The following CLDN18 variants were observed in gnomAD, a reference collection of about 807,000 sequenced individuals.
CLDN18 encodes the protein claudin-18.
In CLDN18, 20 loss-of-function variants were observed where a neutral mutation model predicts 25.0. The observed-to-expected ratio is 0.80, with a 90% CI of 0.56 to 1.16. The LOEUF (loss-of-function observed/expected upper bound fraction) is 1.16, where lower values mean the gene tolerates loss of function less well. Ranked by LOEUF, CLDN18 falls within the 50% of genes most tolerant of loss-of-function variation. The pLI, the probability that CLDN18 is intolerant of heterozygous loss-of-function variation, is 0.00. For missense variants in CLDN18, 297 were observed against 345.4 expected, an observed-to-expected ratio of 0.86 and a Z score of 1.11; for synonymous variants, 125 against 135.6, an observed-to-expected ratio of 0.92 and a Z score of 0.54.
At chr3:138,010,980 C>A (rs1245526634) in intron 1 of CLDN18, among the ~76,000 whole-genome samples, 4 of 151,706 alleles carry the variant, frequency 2.6e-5, no homozygotes, top group African/African-American at 9.7e-5. Context: ...TTAAGAATAT[C>A]TTGTATACTG....
chr3:138,006,671 T>C (rs1390753434), upstream of CLDN18, among the ~76,000 whole-genome samples: 1 of 152,188 alleles, frequency 6.6e-6, no homozygotes, highest in Non-Finnish European at 1.5e-5. Context: ...ACGGCTAAAA[T>C]AGTAGTCTGC....
chr3:138,013,256 G>T (rs1007459086), intron 1 of CLDN18, among the ~76,000 whole-genome samples: 2 of 152,094 alleles, frequency 1.3e-5, no homozygotes, highest in African/African-American at 2.4e-5. Flanking sequence ...CTCCTGCCTG[G>T]AACAGATTCA....
At chr3:138,008,545 G>A (rs1371661433), upstream of CLDN18, among the ~76,000 whole-genome samples, 2 of 152,110 alleles carry the variant, frequency 1.3e-5, no homozygotes, top group African/African-American at 4.8e-5. Flanking sequence ...GGAGGTTGCA[G>A]TGAGCCAAGA....
At chr3:138,030,555 G>A (rs1246932530) in intron 4 of CLDN18, among the ~76,000 whole-genome samples, 1 of 152,166 alleles carries the variant, frequency 6.6e-6, no homozygotes, top group African/African-American at 2.4e-5. Context: ...GTACCCTCCA[G>A]CTCACAAATT....
rs371332207 is a variant in CLDN18 at position 138,018,582 on chromosome 3, C to T, written c.221-5076C>T. ...CGATCTCCTGACCTCGTGATCCGCCCGCCTCGGCCTCCCAAAGTGCTGGGA... is the reference window on the plus strand; with the variant it reads ...CGATCTCCTGACCTCGTGATCCGCCTGCCTCGGCCTCCCAAAGTGCTGGGA... On this transcript the variant is annotated intron_variant, in intron 1 of 4. Coordinates refer to ENST00000183605, the MANE Select transcript of CLDN18 (RefSeq NM_016369.4). Among the ~76,000 whole-genome samples, 39 of 152,100 alleles carry T rather than the reference C, an allele frequency of 2.6e-4. No individual in the cohort carries two copies. The South Asian group carries it at 7.5e-3, about 29-fold the overall frequency.
upstream of CLDN18, among the ~76,000 whole-genome samples, chr3:138,008,612 A>T (rs183478939): frequency 3.0e-3 from 459 of 151,036 alleles, 4 homozygotes; most frequent in African/African-American, 0.011. Context: ...CAAAATAAAT[A>T]AATAAATAAA....
chr3:138,031,333 CTGAGT>C lies in CLDN18; in HGVS notation c.*194_*198del, dbSNP rs1223002376. On this transcript the variant is annotated 3_prime_UTR_variant, in exon 5 of 5. Transcript: ENST00000183605. The stretch of plus-strand genomic sequence containing the variant: ...CTCTAAATATTCCACCATAAAACAG[CTGAGT>C]TATTTATGAATTAGAGGCTATAGCT... The C allele has an allele frequency of 4.6e-6, 2 of 432,884 alleles. No individual in the cohort carries two copies. The highest frequency in any genetic ancestry group is 3.4e-5 in the East Asian group (1 of 29,372). The allele number at this position is 432,884 out of a possible 1,614,324, so 26.8% of individuals were successfully genotyped here. A position where few individuals can be genotyped will look rare whatever the true frequency, so the allele number is the denominator to read the frequency against.
intron 1 of CLDN18, among the ~76,000 whole-genome samples, chr3:138,021,979 A>C (rs976487017): frequency 2.6e-5 from 4 of 152,180 alleles, no homozygotes; most frequent in African/African-American, 9.7e-5. Flanking sequence ...TAATAATAAC[A>C]ATGGTGCTGG....
At chr3:138,025,813 C>T (rs763126080) in intron 3 of CLDN18, among the ~76,000 whole-genome samples, 3 of 152,184 alleles carry the variant, frequency 2.0e-5, no homozygotes, top group Non-Finnish European at 4.4e-5. Flanking sequence ...ATTGCTCACC[C>T]TACTTAGAAA....
At chr3:138,012,533 T>G (rs1463178938) in intron 1 of CLDN18, among the ~76,000 whole-genome samples, 1 of 152,130 alleles carries the variant, frequency 6.6e-6, no homozygotes, top group East Asian at 1.9e-4. Context: ...CATCCATTGC[T>G]CCTGCTCCCC....
intron 1 of CLDN18, among the ~76,000 whole-genome samples, chr3:138,004,071 G>A (rs902405448): frequency 2.0e-5 from 3 of 152,118 alleles, no homozygotes; most frequent in Admixed American, 6.5e-5. Context: ...CTACTCAGGA[G>A]GCTGAGGCAA....
At chr3:138,001,799 A>C (rs1942018774) in intron 1 of CLDN18, among the ~76,000 whole-genome samples, 1 of 152,254 alleles carries the variant, frequency 6.6e-6, no homozygotes, top group Admixed American at 6.5e-5. Context: ...AAGTATACTT[A>C]CTTTAATGTT....
intron 1 of CLDN18, among the ~76,000 whole-genome samples, chr3:138,017,708 T>C (rs1241261534): frequency 1.3e-5 from 2 of 152,218 alleles, no homozygotes; most frequent in Non-Finnish European, 2.9e-5. Context: ...AGTTATAAAG[T>C]TGGGGAGTCT....
rs78579673 is a variant in CLDN18 at position 138,023,199 on chromosome 3, C to A, written c.221-459C>A. 6.6e-3 allele frequency among the ~76,000 whole-genome samples: 1,007 copies of A among 152,300 alleles called. 5 individuals carry two copies. The highest frequency in any genetic ancestry group is 0.019 in the African/African-American group (804 of 41,572). ...AATTCCGGGTTTCCTAAAGTGGACA[C>A]AACTATGTGAAACTTTTAGCGCATA... On this transcript the variant is annotated intron_variant, in intron 1 of 4. Coordinates refer to ENST00000183605, the MANE Select transcript of CLDN18 (RefSeq NM_016369.4).
upstream of CLDN18, chr3:138,010,006 AC>A: frequency 1.4e-6 from 1 of 724,782 alleles, no homozygotes. Context: ...CGGAGAGCAG[AC>A]AAGTGCCTCT....
intron 1 of CLDN18, among the ~76,000 whole-genome samples, chr3:138,019,514 G>A (rs1018935171): frequency 1.4e-4 from 21 of 152,120 alleles, no homozygotes; most frequent in Admixed American, 6.5e-5. Context: ...GTGAACTGCT[G>A]TCCCATCATC....
upstream of CLDN18, among the ~76,000 whole-genome samples, chr3:138,006,689 C>G (rs77979109): frequency 3.3e-5 from 5 of 152,058 alleles, no homozygotes; most frequent in East Asian, 9.6e-4. Flanking sequence ...TGCTCAGAGC[C>G]CAGAAAACTT....
Position 138,010,220 on chromosome 3 carries a change from A to G in CLDN18, c.-6A>G. The stretch of plus-strand genomic sequence containing the variant: ...CTCGCAGGCGGCAGGGCGGGCGGCC[A>G]GGATCATGTCCACCACCACATGCCA... On this transcript the variant is annotated 5_prime_UTR_variant, in exon 1 of 5. Coordinates refer to ENST00000183605, the MANE Select transcript of CLDN18 (RefSeq NM_016369.4). The G allele has an allele frequency of 6.2e-7, 1 of 1,611,308 alleles. No individual in the cohort carries two copies. Among genetic ancestry groups the G allele is most frequent in the Non-Finnish European group, 8.5e-7 (1 of 1,178,514 alleles).
chr3:138,026,375 C>A (rs573116276), intron 3 of CLDN18, among the ~76,000 whole-genome samples: 1 of 152,102 alleles, frequency 6.6e-6, no homozygotes, highest in African/African-American at 2.4e-5. Context: ...AGGCTGGGCG[C>A]GGTGGCTCAC....
Sources: gnomAD v4.1 joint callset for allele counts (sites outside exome capture counted in the v4.1 genomes callset) on GRCh38, gnomAD v4.1.1 for gene constraint, MANE v1.5 for transcripts, NCBI Gene and HGNC (gene_info 2026-07-23, HGNC 2026-07-21) for gene names.